KSR2: variants seen among roughly 807,000 people sequenced by gnomAD.
The protein encoded by KSR2 is kinase suppressor of ras 2.
In KSR2, 25 loss-of-function variants were observed where a neutral mutation model predicts 107.8. The observed-to-expected ratio is 0.23, with a 90% CI of 0.17 to 0.32. KSR2 has a LOEUF of 0.32. Among genes scored for constraint, KSR2 ranks in the 10% least tolerant of loss-of-function variants. The pLI is 1.00. For missense variants in KSR2, 887 were observed against 1,268.9 expected (o/e 0.70, Z 4.57); for synonymous variants, 480 against 507.0 (o/e 0.95, Z 0.71).
At chr12:117,676,505 A>G (rs764362232) in intron 4 of KSR2, among the ~76,000 whole-genome samples, 1 of 152,218 alleles carries the variant, frequency 6.6e-6, no homozygotes, top group Admixed American at 6.5e-5. Flanking sequence ...AGAAAGAAGG[A>G]TGAGAAAAAG....
chr12:117,522,534 C>A (rs1185142333), intron 14 of KSR2, among the ~76,000 whole-genome samples: 2 of 152,160 alleles, frequency 1.3e-5, no homozygotes, highest in Non-Finnish European at 2.9e-5. Context: ...CTAAGGGCCT[C>A]TCTGTAGTAA....
intron 4 of KSR2, among the ~76,000 whole-genome samples, chr12:117,740,457 CA>C (rs1324045874): frequency 1.2e-5 from 1 of 84,768 alleles, no homozygotes; most frequent in African/African-American, 3.8e-5. Context: ...GTATATAGTA[CA>C]TATATTATAT....
intron 14 of KSR2, among the ~76,000 whole-genome samples, chr12:117,514,651 C>A (rs1318186096): frequency 6.6e-6 from 1 of 151,174 alleles, no homozygotes; most frequent in Non-Finnish European, 1.5e-5. Context: ...CAGGCTCAAG[C>A]AATCCTTCTG....
Position 117,462,116 on chromosome 12 carries a change from C to CTG in KSR2, c.*5082_*5083insCA, listed in dbSNP as rs1870925534. The CTG allele has an allele frequency of 6.6e-6, 1 of 151,176 alleles. No individual in the cohort carries two copies. The highest frequency in any genetic ancestry group is 6.6e-5 in the Admixed American group (1 of 15,064). The allele number at this position is 151,176 out of a possible 1,614,324, so 9.4% of individuals were successfully genotyped here. A position where few individuals can be genotyped will look rare whatever the true frequency, so the allele number is the denominator to read the frequency against. ...GTAAGCATGACAGCAACAGCCTGAC[C>CTG]TTGTAGACCAGGAATTCTGGGGAAT... On this transcript the variant is annotated 3_prime_UTR_variant, in exon 20 of 20. Transcript: ENST00000339824.
At chr12:117,679,964 T>G (rs1593123421) in intron 4 of KSR2, among the ~76,000 whole-genome samples, 1 of 152,154 alleles carries the variant, frequency 6.6e-6, no homozygotes, top group African/African-American at 2.4e-5. Flanking sequence ...TGTGACAGAG[T>G]TGGCATAACC....
intron 9 of KSR2, among the ~76,000 whole-genome samples, chr12:117,552,571 T>C (rs773448500): frequency 2.0e-5 from 3 of 152,206 alleles, no homozygotes; most frequent in Non-Finnish European, 4.4e-5. Flanking sequence ...CAAGTCCATA[T>C]ACAGGTGCTC....
At chr12:117,568,301 A>G (rs1240300644) in intron 7 of KSR2, among the ~76,000 whole-genome samples, 1 of 152,172 alleles carries the variant, frequency 6.6e-6, no homozygotes, top group Non-Finnish European at 1.5e-5. Context: ...TTTCAATTCA[A>G]GAAAGGATGA....
chr12:117,595,835 C>T (rs1880611476), intron 5 of KSR2, among the ~76,000 whole-genome samples: 1 of 152,156 alleles, frequency 6.6e-6, no homozygotes, highest in Non-Finnish European at 1.5e-5. Flanking sequence ...CCTGATTTTC[C>T]ACTGGGAAAC....
rs1168491821 is a variant in KSR2, at chr12:117,454,516, T to G, written c.*12683A>C. On this transcript the variant is annotated 3_prime_UTR_variant, in exon 20 of 20. Coordinates refer to ENST00000339824, the MANE Select transcript of KSR2 (RefSeq NM_173598.6). ...AAACACACCACTCCATCAACAGGAC[T>G]GATACATTCTTTCCCACACTTCAGG... 6.6e-6 allele frequency: 1 copy of G among 152,278 alleles called. No homozygotes were observed. The highest frequency in any genetic ancestry group is 1.5e-5 in the Non-Finnish European group (1 of 68,052). The allele number at this position is 152,278 out of a possible 1,614,324, so 9.4% of individuals were successfully genotyped here.
At position 117,771,765 on chromosome 12, in the gene KSR2, C is replaced by T. The variant is rs548933740; in HGVS notation, c.473-10241G>A. Among the ~76,000 whole-genome samples, 238 of 152,294 alleles carry T rather than the reference C, an allele frequency of 1.6e-3. 1 individual carries two copies. The highest frequency in any genetic ancestry group is 5.7e-3 in the African/African-American group (236 of 41,542). On this transcript the variant is annotated intron_variant, in intron 3 of 19. Transcript: ENST00000339824. ...TAGTTGGTAGTAACCTACACCCTCA[C>T]TTTCCCCTTAATCACATGGCATCCT...
intron 5 of KSR2, among the ~76,000 whole-genome samples, chr12:117,611,057 T>C (rs998676315): frequency 1.3e-5 from 2 of 152,192 alleles, no homozygotes; most frequent in East Asian, 3.8e-4. Context: ...TAAGATTATA[T>C]CACCTAAGTC....
intron 5 of KSR2, among the ~76,000 whole-genome samples, chr12:117,645,868 CGTGTGTGTGTGTGTGTGT>C (rs58896782): frequency 5.7e-4 from 81 of 142,162 alleles, no homozygotes; most frequent in Admixed American, 3.8e-3. Flanking sequence ...TGTGTATGTG[CGTGTGTGTGTGTGTGTGT>C]GTGTGTGTGT....
chr12:117,706,633 T>C (rs543863793), intron 4 of KSR2, among the ~76,000 whole-genome samples: 1 of 152,246 alleles, frequency 6.6e-6, no homozygotes, highest in Admixed American at 6.5e-5. Context: ...TGAGAGATCT[T>C]TTCAGGGTGA....
intron 16 of KSR2, 85 bp from the exon 17 acceptor site, chr12:117,476,680 C>G (rs1289443793): frequency 4.9e-5 from 69 of 1,395,530 alleles, no homozygotes; most frequent in Non-Finnish European, 6.5e-5. Context: ...GTCCCTGGAG[C>G]CATCTCTGCT....
intron 14 of KSR2, among the ~76,000 whole-genome samples, chr12:117,520,348 T>A (rs1345906327): frequency 2.6e-5 from 4 of 152,202 alleles, no homozygotes; most frequent in Non-Finnish European, 5.9e-5. Context: ...TTTTGGTTTA[T>A]TTTTGAGGGC....
At chr12:117,863,634 G>A (rs1320525416) in intron 1 of KSR2, among the ~76,000 whole-genome samples, 6 of 152,174 alleles carry the variant, frequency 3.9e-5, no homozygotes, top group African/African-American at 1.4e-4. Flanking sequence ...TGTGGCTGCT[G>A]TCATGAATAA....
chr12:117,966,625 A>ACG (rs1490042071), intron 1 of KSR2, among the ~76,000 whole-genome samples: 2 of 149,016 alleles, frequency 1.3e-5, no homozygotes, highest in Non-Finnish European at 3.0e-5. Flanking sequence ...ACGCGCACGC[A>ACG]CACACACACA....
chr12:117,550,405 A>T (rs1225038966), intron 9 of KSR2, among the ~76,000 whole-genome samples: 1 of 152,216 alleles, frequency 6.6e-6, no homozygotes, highest in Non-Finnish European at 1.5e-5. Context: ...CTTTCTAAGG[A>T]AACTGTCCTC....
In KSR2 at chr12:117,462,379, A is replaced by C. The variant is rs377269998; in HGVS notation, c.*4820T>G. 6.6e-6 allele frequency: 1 copy of C among 152,106 alleles called. No homozygotes were observed. The highest frequency in any genetic ancestry group is 1.9e-4 in the East Asian group (1 of 5,186). 9.4% of individuals were successfully genotyped at this position (152,106 alleles called of 1,614,324 possible). ...TGAAATAGGGTGGGCCCTTAATCCA[A>C]TGTGACTCGTGTCCTTATAAGAAGA... is the stretch of plus-strand genomic sequence containing the variant. On this transcript the variant is annotated 3_prime_UTR_variant, in exon 20 of 20. Coordinates refer to ENST00000339824, the MANE Select transcript of KSR2 (RefSeq NM_173598.6).
Sources: gnomAD v4.1 joint callset for allele counts (sites outside exome capture counted in the v4.1 genomes callset) on GRCh38, gnomAD v4.1.1 for gene constraint, MANE v1.5 for transcripts, NCBI Gene and HGNC (gene_info 2026-07-23, HGNC 2026-07-21) for gene names.